NPAS2: variants seen among roughly 807,000 people sequenced by gnomAD.
NPAS2 encodes neuronal PAS domain-containing protein 2.
A neutral mutation model predicts 107.5 loss-of-function variants in NPAS2; 23 were observed. That is an observed-to-expected ratio of 0.21 (90% confidence interval 0.15 to 0.30). NPAS2 has a LOEUF of 0.30. Ranked by LOEUF, NPAS2 falls within the 10% of genes least tolerant of loss-of-function variation. The pLI is 1.00. For synonymous variants in NPAS2, 403 were observed against 417.5 expected (o/e 0.97, Z 0.42); for missense variants, 756 against 1,043.3 (o/e 0.72, Z 3.79).
chr2:100,873,339 C>T (rs1466008199), intron 1 of NPAS2, among the ~76,000 whole-genome samples: 1 of 127,912 alleles, frequency 7.8e-6, no homozygotes, highest in African/African-American at 3.0e-5. Context: ...CACACACACA[C>T]ACATATATAC....
At chr2:100,940,410 G>A (rs1383520108) in intron 5 of NPAS2, among the ~76,000 whole-genome samples, 1 of 152,186 alleles carries the variant, frequency 6.6e-6, no homozygotes, top group Non-Finnish European at 1.5e-5. Context: ...TGTGAGCCCA[G>A]GTCCTTTCCA....
At chr2:100,920,396 A>G (rs1016266164) in intron 2 of NPAS2, among the ~76,000 whole-genome samples, 2 of 152,216 alleles carry the variant, frequency 1.3e-5, no homozygotes, top group Admixed American at 6.5e-5. Flanking sequence ...AAAACATCAC[A>G]TTGTACCCCA....
chr2:100,827,131 TG>T (rs1281047434), intron 1 of NPAS2, among the ~76,000 whole-genome samples: 1 of 152,170 alleles, frequency 6.6e-6, no homozygotes, highest in Non-Finnish European at 1.5e-5. Context: ...TTTCTGGAAA[TG>T]GTGTTGGGAG....
intron 3 of NPAS2, among the ~76,000 whole-genome samples, chr2:100,928,335 T>C (rs1309088734): frequency 6.6e-6 from 1 of 152,040 alleles, no homozygotes; most frequent in Non-Finnish European, 1.5e-5. Flanking sequence ...AAATAGCAGG[T>C]TGGTTTGATT....
intron 3 of NPAS2, among the ~76,000 whole-genome samples, chr2:100,928,610 T>A (rs755656889): frequency 2.6e-5 from 4 of 152,202 alleles, no homozygotes; most frequent in Non-Finnish European, 5.9e-5. Flanking sequence ...TTAAACACAA[T>A]GAGGATCATG....
chr2:100,921,945 A>C (rs1683252575), intron 2 of NPAS2, among the ~76,000 whole-genome samples: 1 of 152,208 alleles, frequency 6.6e-6, no homozygotes, highest in South Asian at 2.1e-4. Flanking sequence ...TGGCATATTC[A>C]TACACAGGAA....
intron 1 of NPAS2, among the ~76,000 whole-genome samples, chr2:100,885,002 G>A (rs1281552160): frequency 3.3e-5 from 5 of 150,900 alleles, no homozygotes; most frequent in Admixed American, 1.3e-4. Context: ...AGGCTAGAGC[G>A]CAGTGGCACA....
intron 1 of NPAS2, among the ~76,000 whole-genome samples, chr2:100,831,218 C>T (rs979371642): frequency 1.3e-5 from 2 of 152,126 alleles, no homozygotes; most frequent in Non-Finnish European, 2.9e-5. Context: ...ATCACTTGAA[C>T]CCAGGAGGCG....
chr2:100,927,025 G>A (rs1352143819), intron 3 of NPAS2, among the ~76,000 whole-genome samples: 12 of 143,668 alleles, frequency 8.4e-5, no homozygotes, highest in African/African-American at 2.1e-4. Flanking sequence ...TGCAAGCTCC[G>A]CCTCCAGGGT....
At chr2:100,853,974 C>CAA (rs5832937) in intron 1 of NPAS2, among the ~76,000 whole-genome samples, 4 of 116,276 alleles carry the variant, frequency 3.4e-5, no homozygotes, top group East Asian at 2.5e-4. Context: ...CAGCCCACGA[C>CAA]AAAAAAAAAA....
intron 3 of NPAS2, 29 bp from the exon 4 acceptor site, chr2:100,932,881 A>G: frequency 2.6e-6 from 4 of 1,521,910 alleles, no homozygotes; most frequent in Non-Finnish European, 3.6e-6. Context: ...GCCATTGAAT[A>G]TAAAGGCTTA....
chr2:100,893,940 C>T (rs1003883335), intron 1 of NPAS2, among the ~76,000 whole-genome samples: 20 of 152,170 alleles, frequency 1.3e-4, no homozygotes, highest in African/African-American at 3.6e-4. Flanking sequence ...CCTTTCCGTG[C>T]GTGCTGCATG....
chr2:100,970,510 C>T (rs1383721097), intron 11 of NPAS2: 2 of 154,048 alleles, frequency 1.3e-5, no homozygotes, highest in African/African-American at 4.8e-5. Flanking sequence ...GTGGGCTCAT[C>T]TACAGTCTGG....
At chr2:100,941,053 G>A (rs1164974232) in intron 5 of NPAS2, among the ~76,000 whole-genome samples, 1 of 152,194 alleles carries the variant, frequency 6.6e-6, no homozygotes, top group African/African-American at 2.4e-5. Flanking sequence ...GAGAGCCATT[G>A]TAAGGGGGAT....
At chr2:100,939,241 G>C (rs1246106106) in intron 5 of NPAS2, among the ~76,000 whole-genome samples, 3 of 152,188 alleles carry the variant, frequency 2.0e-5, no homozygotes, top group African/African-American at 4.8e-5. Flanking sequence ...GCTGAGCGGT[G>C]GCCCACAAAA....
At chr2:100,900,900 T>A (rs895820808) in intron 1 of NPAS2, among the ~76,000 whole-genome samples, 2 of 152,002 alleles carry the variant, frequency 1.3e-5, no homozygotes. Flanking sequence ...CTCTTCTTTT[T>A]CCTTTTTGTG....
intron 2 of NPAS2, among the ~76,000 whole-genome samples, chr2:100,906,872 A>G (rs1016645812): frequency 1.3e-5 from 2 of 152,208 alleles, no homozygotes; most frequent in Non-Finnish European, 2.9e-5. Flanking sequence ...CTAAAGTTCA[A>G]CAAGGTTGAG....
chr2:100,918,717 G>C (rs1477444032), intron 2 of NPAS2, among the ~76,000 whole-genome samples: 5 of 152,170 alleles, frequency 3.3e-5, no homozygotes, highest in Non-Finnish European at 7.4e-5. Context: ...AACTTTCTTA[G>C]ATTAGCTAAA....
rs887531169 is a variant in NPAS2 at position 100,964,092 on chromosome 2, C to T, written c.633C>T (p.Thr211=). ...PSPSCNGFDN[T]LSRPCRVPLG... is the part of the protein sequence containing the mutation. ...CCTCCTGTAATGGTTTTGACAACAC[C>T]CTTTCAAGACCTTGCCGGGTGCCAC... The change falls in exon 8 of 21, where the codon ACC becomes ACT. Residue 211 remains threonine, a synonymous_variant. Coordinates refer to ENST00000335681, the MANE Select transcript of NPAS2 (RefSeq NM_002518.4). 2.5e-6 allele frequency: 4 copies of T among 1,614,048 alleles called. No individual in the cohort carries two copies. The highest frequency in any genetic ancestry group is 3.4e-6 in the Non-Finnish European group (4 of 1,179,944).
Sources: allele counts gnomAD v4.1 joint callset (sites outside exome capture counted in the v4.1 genomes callset), GRCh38; gene constraint gnomAD v4.1.1; transcripts MANE v1.5; gene names NCBI Gene and HGNC (gene_info 2026-07-23, HGNC 2026-07-21).